Variants in ACACA observed in about 807,000 individuals in gnomAD.
The protein encoded by ACACA is acetyl-CoA carboxylase 1.
In ACACA, 103 loss-of-function variants were observed where a neutral mutation model predicts 296.1. That is an observed-to-expected ratio of 0.35 (90% CI 0.30 to 0.41). The LOEUF is 0.41. Among genes scored for constraint, ACACA ranks in the 10% least tolerant of loss-of-function variants. ACACA has a pLI of 1.00. For missense variants in ACACA, 1,554 were observed against 2,989.7 expected, an observed-to-expected ratio of 0.52 and a Z score of 11.20; for synonymous variants, 953 against 1,038.6, an observed-to-expected ratio of 0.92 and a Z score of 1.58.
In ACACA at chr17:37,200,417, ATG is replaced by A. The variant is rs1270020963; in HGVS notation, c.4113+8_4113+9del. The A allele has an allele frequency of 6.2e-7, 1 of 1,603,956 alleles. No individual in the cohort carries two copies. Among genetic ancestry groups the A allele is most frequent in the Admixed American group, 1.7e-5 (1 of 60,014 alleles). ...GAAATATTAAAGAGGTACAATTCAC[ATG>A]TCAGTACCTTTTGTGCAACCAGGAA... On this transcript the variant is annotated splice_region_variant and intron_variant, in intron 34 of 55. Coordinates refer to ENST00000616317, the MANE Select transcript of ACACA (RefSeq NM_198834.3).
chr17:37,238,760 GA>G (rs1259074255), intron 24 of ACACA, among the ~76,000 whole-genome samples: 1 of 152,110 alleles, frequency 6.6e-6, no homozygotes, highest in Non-Finnish European at 1.5e-5. Flanking sequence ...TTCCTCAAAA[GA>G]GGCTTGCACA....
intron 3 of ACACA, chr17:37,299,270 T>TA: frequency 6.2e-7 from 1 of 1,613,386 alleles, no homozygotes; most frequent in South Asian, 1.1e-5. Flanking sequence ...TGTGGTAGCC[T>TA]AACACTTACC....
At chr17:37,137,508 G>T (rs917337619) in intron 45 of ACACA, among the ~76,000 whole-genome samples, 2 of 152,102 alleles carry the variant, frequency 1.3e-5, no homozygotes, top group African/African-American at 4.8e-5. Flanking sequence ...CACAGCATAA[G>T]AACAGCTTTA....
At chr17:37,103,993 T>C (rs531718216) in intron 52 of ACACA, among the ~76,000 whole-genome samples, 1 of 152,338 alleles carries the variant, frequency 6.6e-6, no homozygotes, top group African/African-American at 2.4e-5. Flanking sequence ...CGGTGAACTA[T>C]GATTGTGCTG....
intron 11 of ACACA, among the ~76,000 whole-genome samples, chr17:37,261,175 T>G (rs1339068487): frequency 6.6e-6 from 1 of 151,860 alleles, no homozygotes; most frequent in African/African-American, 2.4e-5. Context: ...AGGGTCAGAG[T>G]GTCGAAAAAG....
Position 37,086,017 on chromosome 17 carries a change from TCTC to T in ACACA, c.*1296_*1298del. On this transcript the variant is annotated 3_prime_UTR_variant, in exon 56 of 56. Coordinates refer to ENST00000616317, the MANE Select transcript of ACACA (RefSeq NM_198834.3). ...AATAAACTAGTTGTTGAAAGTAAAC[TCTC>T]TCCACCACCTGAGGAAGCCCCTGAT... 2.6e-6 allele frequency: 1 copy of T among 391,800 alleles called. No individual in the cohort carries two copies. The allele number at this position is 391,800 out of a possible 1,614,324, so 24.3% of individuals were successfully genotyped here.
At chr17:37,125,876 G>T in intron 47 of ACACA, 82 bp from the exon 48 acceptor site, 1 of 1,233,564 alleles carries the variant, frequency 8.1e-7, no homozygotes, top group Non-Finnish European at 1.2e-6. Context: ...ATTTAAGGTG[G>T]TTTGGGGGAT....
intron 54 of ACACA, among the ~76,000 whole-genome samples, chr17:37,089,288 C>G (rs953207025): frequency 6.6e-6 from 1 of 152,218 alleles, no homozygotes; most frequent in Non-Finnish European, 1.5e-5. Context: ...AGGTGTACAC[C>G]TGAAGTCTCC....
At chr17:37,329,005 A>G (rs562694211) in intron 3 of ACACA, 2 of 398,542 alleles carry the variant, frequency 5.0e-6, no homozygotes, top group South Asian at 2.5e-4. Flanking sequence ...TAAATGACCA[A>G]AGGTTAGTAT....
chr17:37,089,003 A>C lies in ACACA; in HGVS notation c.6963T>G (p.Val2321=), dbSNP rs760084682. 1.2e-6 allele frequency: 2 copies of C among 1,614,200 alleles called. No individual in the cohort carries two copies. The highest frequency in any genetic ancestry group is 2.2e-5 in the South Asian group (2 of 91,076). ...TGATGTTTTCCTCTATTACCGAGTG[A>C]ACACCATCCTCCTCTGTCAGCTGTT... ...LEKQLTEEDG[V]HSVIEENIKC... is the part of the protein sequence containing the mutation. Residue 2321 remains valine, a synonymous_variant, in exon 55 of 56, where the codon GTT becomes GTG. Transcript: ENST00000616317.
chr17:37,359,432 G>T (rs931833912), intron 1 of ACACA, among the ~76,000 whole-genome samples: 1 of 151,780 alleles, frequency 6.6e-6, no homozygotes, highest in South Asian at 2.1e-4. Context: ...GGCGGGCCGC[G>T]GGCGGGCCCT....
At chr17:37,227,850 ACT>A (rs1465937343) in intron 25 of ACACA, among the ~76,000 whole-genome samples, 14 of 134,392 alleles carry the variant, frequency 1.0e-4, no homozygotes, top group Non-Finnish European at 1.5e-5. Flanking sequence ...ACAGAGCGAG[ACT>A]CTGTCTCAAA....
intron 54 of ACACA, among the ~76,000 whole-genome samples, chr17:37,091,413 G>A (rs2072624924): frequency 6.6e-6 from 1 of 152,192 alleles, no homozygotes; most frequent in Admixed American, 6.5e-5. Flanking sequence ...AAGGAAAGGG[G>A]TCTCAAGTTC....
chr17:37,241,430 C>T (rs1038904175), intron 23 of ACACA, among the ~76,000 whole-genome samples: 4 of 152,148 alleles, frequency 2.6e-5, no homozygotes, highest in East Asian at 1.9e-4. Context: ...ACAGGCTGGA[C>T]GCAGTGGCTC....
intron 1 of ACACA, among the ~76,000 whole-genome samples, chr17:37,379,927 A>G (rs944124769): frequency 6.7e-6 from 1 of 149,128 alleles, no homozygotes; most frequent in Non-Finnish European, 1.5e-5. Flanking sequence ...ATTACTGGGT[A>G]TATACCCAAA....
At chr17:37,172,998 A>G (rs1407734463) in intron 41 of ACACA, among the ~76,000 whole-genome samples, 8 of 152,244 alleles carry the variant, frequency 5.3e-5, no homozygotes, top group African/African-American at 1.4e-4. Flanking sequence ...CTCAATTTCT[A>G]TACACAGCAT....
At chr17:37,301,242 T>C (rs2083602808) in intron 3 of ACACA, 1 of 440,068 alleles carries the variant, frequency 2.3e-6, no homozygotes, top group Non-Finnish European at 3.0e-6. Context: ...GAGATCTATA[T>C]AGATCTTTTA....
intron 52 of ACACA, among the ~76,000 whole-genome samples, chr17:37,104,294 A>T (rs910961953): frequency 2.8e-4 from 43 of 152,356 alleles, no homozygotes; most frequent in African/African-American, 9.4e-4. Context: ...ACTTTTAATT[A>T]AAAAATTTAA....
At chr17:37,132,194 G>A (rs1385026085) in intron 45 of ACACA, among the ~76,000 whole-genome samples, 3 of 152,088 alleles carry the variant, frequency 2.0e-5, no homozygotes, top group Non-Finnish European at 4.4e-5. Context: ...GCAAATACAC[G>A]CCGTTTGTTA....
Sources: allele counts gnomAD v4.1 joint callset (sites outside exome capture counted in the v4.1 genomes callset), GRCh38; gene constraint gnomAD v4.1.1; transcripts MANE v1.5; gene names NCBI Gene and HGNC (gene_info 2026-07-23, HGNC 2026-07-21).